Variants in MGRN1 observed in about 807,000 individuals in gnomAD.
MGRN1 encodes E3 ubiquitin-protein ligase MGRN1.
MGRN1 carries 29 observed loss-of-function variants against 69.2 expected under a neutral mutation model. That is an observed-to-expected ratio of 0.42 (90% CI 0.31 to 0.57). The LOEUF (loss-of-function observed/expected upper bound fraction) is 0.57, where lower values mean the gene tolerates loss of function less well. Ranked by LOEUF, MGRN1 falls within the 20% of genes least tolerant of loss-of-function variation. The probability of loss-of-function intolerance (pLI) is 0.15; values close to 1 mark genes in which losing one functional copy is unlikely to be tolerated. For synonymous variants in MGRN1, 470 were observed against 344.2 expected (o/e 1.37, Z -4.04); for missense variants, 998 against 796.2 (o/e 1.25, Z -3.05).
intron 9 of MGRN1, 143 bp from the exon 10 acceptor site, chr16:4,673,355 A>G (rs913825745): frequency 2.1e-5 from 24 of 1,127,552 alleles, no homozygotes; most frequent in Non-Finnish European, 2.8e-5. Flanking sequence ...CTCTGGGGCA[A>G]CCTCCCCCTC....
At chr16:4,671,805 G>C (rs901242535) in intron 9 of MGRN1, among the ~76,000 whole-genome samples, 1 of 152,218 alleles carries the variant, frequency 6.6e-6, no homozygotes, top group Non-Finnish European at 1.5e-5. Context: ...GCTCCTGGGG[G>C]AGGGATGCTT....
Position 4,652,654 on chromosome 16 carries a change from C to T in MGRN1, c.297-24C>T, listed in dbSNP as rs748736684. 4 of 1,593,914 alleles carry T rather than the reference C, an allele frequency of 2.5e-6. No individual in the cohort carries two copies. The African/African-American group carries it at 5.4e-5, about 21-fold the overall frequency. ...GCAGATGGGGCCGCTGACCCGCTGCCTTTCTCTCCACCGCCTGGGGTAGGT... is the reference window on the plus strand; with the variant it reads ...GCAGATGGGGCCGCTGACCCGCTGCTTTTCTCTCCACCGCCTGGGGTAGGT... On this transcript the variant is annotated intron_variant, in intron 3 of 16. Coordinates refer to ENST00000262370, the MANE Select transcript of MGRN1 (RefSeq NM_015246.4).
rs1411943047 is a variant in MGRN1, at chr16:4,688,790, C to G, written c.1619-6C>G. ...GTGACCCTCCTCCCTCTGCTCCCAC[C>G]TGCAGGACGGCCCACCTCCATGGAG... On this transcript the variant is annotated splice_polypyrimidine_tract_variant and splice_region_variant and intron_variant, in intron 16 of 16. Coordinates refer to ENST00000262370, the MANE Select transcript of MGRN1 (RefSeq NM_015246.4). The G allele has an allele frequency of 6.5e-7, 1 of 1,542,356 alleles. No individual in the cohort carries two copies. The highest frequency in any genetic ancestry group is 8.8e-7 in the Non-Finnish European group (1 of 1,140,378).
chr16:4,678,053 C>G (rs2079091998), intron 11 of MGRN1, among the ~76,000 whole-genome samples: 1 of 152,126 alleles, frequency 6.6e-6, no homozygotes, highest in African/African-American at 2.4e-5. Context: ...TCCCATGTTG[C>G]CCAGGCTGGT....
At chr16:4,656,931 A>C (rs929850897) in intron 4 of MGRN1, among the ~76,000 whole-genome samples, 4 of 151,312 alleles carry the variant, frequency 2.6e-5, no homozygotes, top group South Asian at 2.1e-4. Context: ...ATAAATAAAC[A>C]AACCAACTTA....
At chr16:4,651,916 G>A (rs750173562) in intron 2 of MGRN1, 47 bp from the exon 3 acceptor site, 2 of 1,564,332 alleles carry the variant, frequency 1.3e-6, no homozygotes, top group African/African-American at 1.4e-5. Context: ...TTCTGTTGTT[G>A]GCTGCTCCTG....
chr16:4,649,112 A>T (rs956601018), intron 1 of MGRN1: 1 of 152,508 alleles, frequency 6.6e-6, no homozygotes, highest in Non-Finnish European at 1.5e-5. Flanking sequence ...TCTCATGCCT[A>T]AGTGTGCCAG....
intron 10 of MGRN1, among the ~76,000 whole-genome samples, chr16:4,675,733 CAAAA>C (rs551578710): frequency 3.4e-5 from 3 of 88,466 alleles, no homozygotes; most frequent in African/African-American, 1.3e-4. Flanking sequence ...GACCCTGTTT[CAAAA>C]AAAAAAAAAA....
intron 5 of MGRN1, 100 bp from the exon 6 acceptor site, chr16:4,664,609 C>T (rs2078756254): frequency 7.9e-7 from 1 of 1,261,982 alleles, no homozygotes; most frequent in Non-Finnish European, 1.2e-6. Flanking sequence ...GCTGCTGCCT[C>T]CTGCTCCTGC....
intron 1 of MGRN1, among the ~76,000 whole-genome samples, chr16:4,648,738 A>C (rs368925839): frequency 2.4e-4 from 11 of 46,202 alleles, no homozygotes; most frequent in Admixed American, 5.8e-4. Flanking sequence ...CCTCTCGGGG[A>C]CTCTTCCCGT....
At chr16:4,669,662 A>T (rs2141941486) in intron 8 of MGRN1, among the ~76,000 whole-genome samples, 1 of 152,342 alleles carries the variant, frequency 6.6e-6, no homozygotes, top group South Asian at 2.1e-4. Flanking sequence ...AAGAGACCAG[A>T]AACAAAGTCT....
At chr16:4,653,275 G>A (rs1788590133) in intron 4 of MGRN1, among the ~76,000 whole-genome samples, 1 of 152,206 alleles carries the variant, frequency 6.6e-6, no homozygotes. Flanking sequence ...TTCAGATGAA[G>A]AGGTTCACAG....
At chr16:4,664,070 C>CTT (rs2078745017) in intron 5 of MGRN1, 1 of 153,026 alleles carries the variant, frequency 6.5e-6, no homozygotes, top group Admixed American at 6.5e-5. Flanking sequence ...CAGGCAGACA[C>CTT]TTGCGCACCG....
At chr16:4,680,184 A>G (rs1001009972) in intron 12 of MGRN1, 87 bp downstream of exon 12, 32 of 1,325,742 alleles carry the variant, frequency 2.4e-5, no homozygotes, top group Non-Finnish European at 3.3e-5. Flanking sequence ...TTTCCGCCCC[A>G]GGCTAGTGTC....
At chr16:4,662,605 C>G (rs191461158) in intron 5 of MGRN1, among the ~76,000 whole-genome samples, 1 of 152,218 alleles carries the variant, frequency 6.6e-6, no homozygotes, top group African/African-American at 2.4e-5. Context: ...GTCGAGAGGA[C>G]TTCATTTGCG....
chr16:4,635,065 G>A (rs1898208962), intron 1 of MGRN1: 1 of 152,220 alleles, frequency 6.6e-6, no homozygotes. Flanking sequence ...GATTGCTTCA[G>A]TGCTTTGGGG....
rs1328207485 is a variant in MGRN1, at chr16:4,650,456, G to C, written c.180G>C (p.Leu60=). ...EGYLFGENMD[L]NFLGSRPVQF... ...ACCTCTTTGGAGAGAACATGGATCT[G>C]AACTTCCTGGGCAGCCGCCCGGTCC... The change falls in exon 2 of 17, where the codon CTG becomes CTC. Residue 60 remains leucine (L), a synonymous_variant. Transcript: ENST00000262370. The C allele has an allele frequency of 6.2e-7, 1 of 1,613,882 alleles. No individual in the cohort carries two copies.
intron 4 of MGRN1, 88 bp downstream of exon 4, chr16:4,652,912 G>A (rs1021450144): frequency 7.0e-7 from 1 of 1,427,982 alleles, no homozygotes; most frequent in Non-Finnish European, 9.2e-7. Context: ...ACCAGAGGGA[G>A]AAAACCAAAC....
At chr16:4,638,575 A>G (rs1406508267) in intron 1 of MGRN1, among the ~76,000 whole-genome samples, 1 of 152,144 alleles carries the variant, frequency 6.6e-6, no homozygotes, top group African/African-American at 2.4e-5. Flanking sequence ...TGCGTGGGTG[A>G]TACAGCTGGG....
Sources: allele counts gnomAD v4.1 joint callset (sites outside exome capture counted in the v4.1 genomes callset), GRCh38; gene constraint gnomAD v4.1.1; transcripts MANE v1.5; gene names NCBI Gene and HGNC (gene_info 2026-07-23, HGNC 2026-07-21).